The following ADGRE2 variants were observed in gnomAD, a reference collection of about 807,000 sequenced individuals.
ADGRE2 encodes the protein CD97 antigen.
ADGRE2 carries 83 observed loss-of-function variants against 100.8 expected under a neutral mutation model. That is an observed-to-expected ratio of 0.82 (90% CI 0.69 to 0.99). ADGRE2 has a LOEUF of 0.99. ADGRE2 is among the 50% of genes least tolerant of loss of function. The probability of loss-of-function intolerance (pLI) is 0.00; values close to 1 mark genes in which losing one functional copy is unlikely to be tolerated. For synonymous variants in ADGRE2, 355 were observed against 413.0 expected, an observed-to-expected ratio of 0.86 and a Z score of 1.70; for missense variants, 814 against 1,035.7, an observed-to-expected ratio of 0.79 and a Z score of 2.94.
At chr19:14,746,861 C>G (rs117913748) in intron 17 of ADGRE2, 35 bp downstream of exon 17, 36,398 of 1,589,376 alleles carry the variant, frequency 0.023, 530 homozygotes, top group Non-Finnish European at 0.028. Flanking sequence ...TGACCCTCAG[C>G]GGGGCAGCGA....
At chr19:14,771,092 C>T (rs1323526687) in intron 5 of ADGRE2, among the ~76,000 whole-genome samples, 1 of 152,124 alleles carries the variant, frequency 6.6e-6, no homozygotes, top group Non-Finnish European at 1.5e-5. Flanking sequence ...CCCTGCTGGG[C>T]TCTATGCAGC....
chr19:14,745,383 C>T (rs918205014), intron 18 of ADGRE2, among the ~76,000 whole-genome samples: 6 of 152,114 alleles, frequency 3.9e-5, no homozygotes, highest in African/African-American at 7.2e-5. Context: ...CGTCACTTCG[C>T]GTGTCTACCA....
Position 14,776,772 on chromosome 19 carries a change from G to C in ADGRE2, c.-16C>G. On this transcript the variant is annotated 5_prime_UTR_variant, in exon 2 of 21. Coordinates refer to ENST00000315576, the MANE Select transcript of ADGRE2 (RefSeq NM_013447.4). ...GGCCTCCCATGGTTCCAGCTGAGCTGCCGGCAGGAGCAGCAGGGGAAAGAG... is the reference window on the plus strand; with the variant it reads ...GGCCTCCCATGGTTCCAGCTGAGCTCCCGGCAGGAGCAGCAGGGGAAAGAG... 1 of 1,613,202 alleles carries C rather than the reference G, an allele frequency of 6.2e-7. No homozygotes were observed. The highest frequency in any genetic ancestry group is 1.3e-5 in the African/African-American group (1 of 75,016).
intron 11 of ADGRE2, among the ~76,000 whole-genome samples, chr19:14,760,105 A>G (rs970553270): frequency 2.0e-5 from 3 of 152,186 alleles, no homozygotes; most frequent in Admixed American, 2.0e-4. Context: ...GGCGTGAGCC[A>G]CCGTGCCCGG....
chr19:14,737,541 G>A (rs986042125), intron 20 of ADGRE2, among the ~76,000 whole-genome samples: 5 of 151,912 alleles, frequency 3.3e-5, no homozygotes, highest in African/African-American at 9.7e-5. Context: ...TATTTGTCAG[G>A]GCAACATCAA....
At chr19:14,743,958 G>A (rs1451114403) in intron 18 of ADGRE2, among the ~76,000 whole-genome samples, 174 bp from the exon 19 acceptor site, 1 of 152,158 alleles carries the variant, frequency 6.6e-6, no homozygotes, top group African/African-American at 2.4e-5. Context: ...TGCCACCTGG[G>A]GTTGGCCACG....
chr19:14,739,450 C>A (rs1478877524), intron 20 of ADGRE2, among the ~76,000 whole-genome samples: 3 of 152,164 alleles, frequency 2.0e-5, no homozygotes, highest in Non-Finnish European at 4.4e-5. Context: ...AACTCTAATT[C>A]CCTACACAAA....
chr19:14,775,878 T>A (rs1177114909), intron 2 of ADGRE2, among the ~76,000 whole-genome samples: 76 of 70,840 alleles, frequency 1.1e-3, no homozygotes, highest in Admixed American at 1.8e-3. Context: ...AAAAAAAAAA[T>A]GATGGCGCTG....
chr19:14,742,310 C>A (rs1406957032), intron 20 of ADGRE2, among the ~76,000 whole-genome samples: 1 of 152,176 alleles, frequency 6.6e-6, no homozygotes, highest in Non-Finnish European at 1.5e-5. Flanking sequence ...TAGCTCACTG[C>A]AGCCTCAAAC....
In ADGRE2 at chr19:14,774,114, C is replaced by A. The variant is rs975727670; in HGVS notation, c.83-60G>T. On this transcript the variant is annotated intron_variant, in intron 3 of 20. Coordinates refer to ENST00000315576, the MANE Select transcript of ADGRE2 (RefSeq NM_013447.4). ...GGTAAGGGAATACACAAAAAGGGGG[C>A]ACTGGGGGAGATGGGGCAGAGCGCT... 4 of 1,534,752 alleles carry A rather than the reference C, an allele frequency of 2.6e-6. No individual in the cohort carries two copies. In the African/African-American group the frequency reaches 4.1e-5, roughly 16 times the overall value.
At chr19:14,730,857 T>A (rs1455220826), downstream of ADGRE2, among the ~76,000 whole-genome samples, 1 of 151,844 alleles carries the variant, frequency 6.6e-6, no homozygotes, top group Non-Finnish European at 1.5e-5. Flanking sequence ...CCCATCTTTA[T>A]GTTCACGTGT....
chr19:14,772,460 G>C lies in ADGRE2; in HGVS notation c.237C>G (p.Cys79Trp), dbSNP rs767079042. The C allele has an allele frequency of 1.2e-6, 2 of 1,613,960 alleles. No individual in the cohort carries two copies. The highest frequency in any genetic ancestry group is 3.3e-5 in the Admixed American group (2 of 59,992). Residue 79 changes from cysteine to tryptophan, a missense_variant, in exon 5 of 21, where the codon TGC (cysteine) becomes TGG (tryptophan). Physicochemically the swap from Cys to Trp is radical, Grantham distance 215. Transcript: ENST00000315576. Reference protein sequence around the residue: ...NECATLSKVSCGKFSDCWNTE... With the variant: ...NECATLSKVSWGKFSDCWNTE... Reference sequence around the variant, plus strand: ...TGTTCCAGCAGTCCGAGAATTTTCCGCATGACACTTTCGACAGTGTTGCAC... The same window carrying C: ...TGTTCCAGCAGTCCGAGAATTTTCCCCATGACACTTTCGACAGTGTTGCAC...
In ADGRE2 at chr19:14,773,094, AAAAAC is replaced by A. The variant is rs1437780157; in HGVS notation, c.200-602_200-598del. On this transcript the variant is annotated intron_variant, in intron 4 of 20. Transcript: ENST00000315576. ...AGACTCCATCTCAAAAAAAAAAAAA[AAAAAC>A]AAAAAAAAAAAGAAAAAAGAAAAAT... Among the ~76,000 whole-genome samples the A allele has an allele frequency of 1.5e-3, 212 of 143,152 alleles. 3 individuals are homozygous for A. Among genetic ancestry groups the A allele is most frequent in the African/African-American group, 5.2e-3 (195 of 37,244 alleles). The allele number at this position is 143,152 out of a possible 152,430, so 93.9% of individuals were successfully genotyped here.
intron 5 of ADGRE2, chr19:14,771,768 G>A (rs2147520695): frequency 6.6e-6 from 1 of 152,630 alleles, no homozygotes; most frequent in African/African-American, 2.4e-5. Flanking sequence ...AGCCTCCTGA[G>A]TAGCTGGGAT....
the ADGRE2 span, among the ~76,000 whole-genome samples, chr19:14,724,465 C>T: frequency 1.3e-5 from 2 of 152,144 alleles, no homozygotes; most frequent in African/African-American, 4.8e-5. Context: ...GACATTTTCT[C>T]CATTAAAAAG....
intron 5 of ADGRE2, among the ~76,000 whole-genome samples, chr19:14,769,554 G>A (rs547737925): frequency 4.3e-4 from 65 of 152,290 alleles, no homozygotes; most frequent in African/African-American, 1.5e-3. Flanking sequence ...GTCCTGCTCC[G>A]AACTAGCAGG....
At chr19:14,747,119 G>C (rs558859117) in intron 16 of ADGRE2, among the ~76,000 whole-genome samples, 157 bp from the exon 17 acceptor site, 1 of 152,208 alleles carries the variant, frequency 6.6e-6, no homozygotes, top group African/African-American at 2.4e-5. Context: ...TGGCTCTGAA[G>C]ATACAGTGGT....
At chr19:14,774,821 C>G (rs1358611154) in intron 2 of ADGRE2, among the ~76,000 whole-genome samples, 1 of 147,544 alleles carries the variant, frequency 6.8e-6, no homozygotes, top group African/African-American at 2.5e-5. Context: ...CTACAGGCAC[C>G]CACCATGGTG....
At chr19:14,743,818 C>T in intron 18 of ADGRE2, 34 bp from the exon 19 acceptor site, 1 of 1,604,502 alleles carries the variant, frequency 6.2e-7, no homozygotes. Context: ...TGGTGATGCA[C>T]CCAGAGAAAG....
Sources: gnomAD v4.1 joint callset for allele counts (sites outside exome capture counted in the v4.1 genomes callset) on GRCh38, gnomAD v4.1.1 for gene constraint, MANE v1.5 for transcripts, NCBI Gene and HGNC (gene_info 2026-07-23, HGNC 2026-07-21) for gene names.